RANBP2: variants seen among roughly 807,000 people sequenced by gnomAD.
RANBP2 encodes the protein RAN binding protein 2, also known as E3 SUMO-protein ligase RanBP2.
Under a neutral mutation model 303.6 loss-of-function variants are expected in RANBP2, and 57 were observed. The ratio of observed to expected loss-of-function variants is 0.19; its 90% CI spans 0.15 to 0.23. RANBP2 has a LOEUF of 0.23. Ranked by LOEUF, RANBP2 falls within the 10% of genes least tolerant of loss-of-function variation. The pLI is 1.00. For missense variants in RANBP2, 3,138 were observed against 3,780.8 expected (o/e 0.83, Z 4.46); for synonymous variants, 1,167 against 1,301.5 (o/e 0.90, Z 2.23).
chr2:108,889,626 T>C, the RANBP2 span, among the ~76,000 whole-genome samples: 1 of 152,286 alleles, frequency 6.6e-6, no homozygotes, highest in South Asian at 2.1e-4. Context: ...CTGCTTAATT[T>C]TGGTTTTCAT....
the RANBP2 span, among the ~76,000 whole-genome samples, chr2:109,283,081 G>A: frequency 6.6e-6 from 1 of 152,234 alleles, no homozygotes; most frequent in African/African-American, 2.4e-5. Context: ...CAGGGCCAGA[G>A]TCATGGGCAG....
chr2:109,629,335 ATATATATATATATATATATATTTT>A, the RANBP2 span, among the ~76,000 whole-genome samples: 101 of 9,494 alleles, frequency 0.011, 3 homozygotes, highest in African/African-American at 0.027. Flanking sequence ...ATATATATAT[ATATATATATATATATATATATTTT>A]TTTTTTTTTT....
At chr2:109,743,277 T>C in the RANBP2 span, among the ~76,000 whole-genome samples, 4 of 139,876 alleles carry the variant, frequency 2.9e-5, 1 homozygote, top group African/African-American at 7.8e-5. Context: ...TCTCAAAAAA[T>C]AATAAAAATC....
the RANBP2 span, among the ~76,000 whole-genome samples, chr2:109,406,709 A>G: frequency 1.3e-5 from 2 of 152,160 alleles, no homozygotes; most frequent in South Asian, 2.1e-4. Flanking sequence ...ACAGCCTGAA[A>G]TGTTTATTAC....
the RANBP2 span, among the ~76,000 whole-genome samples, chr2:109,569,349 T>C: frequency 6.6e-6 from 1 of 151,542 alleles, no homozygotes; most frequent in Non-Finnish European, 1.5e-5. Flanking sequence ...AAGAATCGCT[T>C]GAACCCAGGA....
the RANBP2 span, among the ~76,000 whole-genome samples, chr2:109,159,506 A>C: frequency 6.6e-6 from 1 of 152,184 alleles, no homozygotes; most frequent in South Asian, 2.1e-4. Flanking sequence ...CTTGTTAATG[A>C]GCTTTCCTTG....
the RANBP2 span, among the ~76,000 whole-genome samples, chr2:108,979,939 C>A: frequency 1.3e-5 from 2 of 152,074 alleles, no homozygotes; most frequent in African/African-American, 4.8e-5. Context: ...GCTCTATTAT[C>A]CTGGCTGAGA....
At chr2:109,631,081 A>T in the RANBP2 span, among the ~76,000 whole-genome samples, 3 of 152,130 alleles carry the variant, frequency 2.0e-5, no homozygotes, top group Admixed American at 1.3e-4. Context: ...CAATAAACAA[A>T]CAACAGAAAG....
At chr2:108,854,706 C>T in the RANBP2 span, among the ~76,000 whole-genome samples, 7 of 152,068 alleles carry the variant, frequency 4.6e-5, no homozygotes, top group Admixed American at 2.6e-4. Flanking sequence ...TGGCTGGGCT[C>T]GGCTGGGCTT....
chr2:109,432,827 C>G, the RANBP2 span, among the ~76,000 whole-genome samples: 1 of 152,250 alleles, frequency 6.6e-6, no homozygotes, highest in Non-Finnish European at 1.5e-5. Context: ...GTCCCCAGGC[C>G]CACATTTCAC....
chr2:109,238,494 TGTGTGA>T, the RANBP2 span, among the ~76,000 whole-genome samples: 104 of 136,138 alleles, frequency 7.6e-4, no homozygotes, highest in African/African-American at 2.7e-3. Flanking sequence ...TGTGTGTGTG[TGTGTGA>T]GAGTGAGACA....
the RANBP2 span, among the ~76,000 whole-genome samples, chr2:109,385,813 C>G: frequency 6.6e-6 from 1 of 151,892 alleles, no homozygotes; most frequent in East Asian, 1.9e-4. Context: ...GCACCAGAAA[C>G]AAAAAAAATA....
the RANBP2 span, chr2:108,884,338 A>G: frequency 1.3e-5 from 2 of 152,208 alleles, no homozygotes; most frequent in Non-Finnish European, 2.9e-5. Flanking sequence ...TTTGGAAGAT[A>G]AACACTCCTC....
chr2:109,564,545 A>G, the RANBP2 span: 2 of 1,480,432 alleles, frequency 1.4e-6, no homozygotes, highest in South Asian at 1.5e-5. Flanking sequence ...CTAGCCAAAA[A>G]AAAATAAGAA....
the RANBP2 span, among the ~76,000 whole-genome samples, chr2:109,150,883 A>G: frequency 1.3e-5 from 2 of 152,198 alleles, no homozygotes; most frequent in African/African-American, 4.8e-5. Context: ...ATGGGCATAT[A>G]AGTCAGTGGG....
At chr2:109,058,669 A>G in the RANBP2 span, among the ~76,000 whole-genome samples, 1 of 152,248 alleles carries the variant, frequency 6.6e-6, no homozygotes, top group Non-Finnish European at 1.5e-5. Flanking sequence ...AACGTCCTGT[A>G]AGGAGTTGGG....
the RANBP2 span, chr2:109,615,145 G>C: frequency 1.3e-6 from 2 of 1,549,622 alleles, no homozygotes; most frequent in Non-Finnish European, 1.7e-6. Flanking sequence ...CTGAAGAGGA[G>C]CGTGTGTCCC....
the RANBP2 span, among the ~76,000 whole-genome samples, chr2:109,429,449 G>A: frequency 2.0e-5 from 3 of 152,144 alleles, no homozygotes; most frequent in Non-Finnish European, 2.9e-5. Flanking sequence ...TCAACAGAAC[G>A]AACTTAAAAT....
intron 1 of RANBP2, among the ~76,000 whole-genome samples, chr2:108,727,098 T>C (rs1272701779): frequency 6.6e-6 from 1 of 152,210 alleles, no homozygotes; most frequent in African/African-American, 2.4e-5. Context: ...CGCCTTTCTA[T>C]TCCACAAAAC....
Sources: allele counts gnomAD v4.1 joint callset (sites outside exome capture counted in the v4.1 genomes callset), GRCh38; gene constraint gnomAD v4.1.1; transcripts MANE v1.5; gene names NCBI Gene and HGNC (gene_info 2026-07-23, HGNC 2026-07-21).